Variants in NSD2 observed in about 807,000 individuals in gnomAD.
The protein encoded by NSD2 is nuclear receptor binding SET domain protein 2, also known as histone-lysine N-methyltransferase NSD2.
Under a neutral mutation model 139.0 loss-of-function variants are expected in NSD2, and 12 were observed. The ratio of observed to expected loss-of-function variants is 0.09; its 90% confidence interval spans 0.06 to 0.14. NSD2 has a LOEUF of 0.14. NSD2 is among the 10% of genes least tolerant of loss of function. The pLI, the probability that NSD2 is intolerant of heterozygous loss-of-function variation, is 1.00. For missense variants in NSD2, 1,155 were observed against 1,745.0 expected (o/e 0.66, Z 6.02); for synonymous variants, 669 against 648.7 (o/e 1.03, Z -0.48).
At chr4:1,914,524 C>T (rs926227078) in intron 3 of NSD2, among the ~76,000 whole-genome samples, 5 of 152,226 alleles carry the variant, frequency 3.3e-5, no homozygotes, top group South Asian at 4.1e-4. Context: ...CAGGGCTTCA[C>T]CATGTTGGCC....
Position 1,942,794 on chromosome 4 carries a change from C to G in NSD2, c.1881+3016C>G, listed in dbSNP as rs1408129857. 2 of 1,078,456 alleles carry G rather than the reference C, an allele frequency of 1.9e-6. No homozygotes were observed. Among genetic ancestry groups the G allele is most frequent in the African/African-American group, 3.3e-5 (2 of 61,366 alleles). 66.8% of individuals were successfully genotyped at this position (1,078,456 alleles called of 1,614,324 possible). A position where few individuals can be genotyped will look rare whatever the true frequency, so the allele number is the denominator to read the frequency against. On this transcript the variant is annotated intron_variant, in intron 9 of 21. Coordinates refer to ENST00000508803, the MANE Select transcript of NSD2 (RefSeq NM_001042424.3). The surrounding 1 kb of genome is among the most constrained non-coding windows in gnomAD (Gnocchi z 4.0). ...TGTGGAAAATATCAGCGTCGCTACCCTCAGAAACAAACTAACAGCACACGT... is the reference window on the plus strand; with the variant it reads ...TGTGGAAAATATCAGCGTCGCTACCGTCAGAAACAAACTAACAGCACACGT...
chr4:1,933,465 C>G (rs908113059), intron 6 of NSD2, among the ~76,000 whole-genome samples: 1 of 152,248 alleles, frequency 6.6e-6, no homozygotes, highest in Non-Finnish European at 1.5e-5. Flanking sequence ...TCTCGGCTCA[C>G]TGCAAGCTCC....
At chr4:1,917,092 T>C in intron 4 of NSD2, 55 bp downstream of exon 4, 15 of 1,460,322 alleles carry the variant, frequency 1.0e-5, no homozygotes, top group South Asian at 1.4e-5. Flanking sequence ...TTTTATTCTT[T>C]AAGTTAACTT....
At chr4:1,965,891 C>T (rs751282562) in intron 18 of NSD2, among the ~76,000 whole-genome samples, 1 of 152,228 alleles carries the variant, frequency 6.6e-6, no homozygotes, top group Non-Finnish European at 1.5e-5. Flanking sequence ...AATCCAGTCA[C>T]TTCCCACCAG....
rs1333677153 is a variant in NSD2 at position 1,942,345 on chromosome 4, T to G, written c.1881+2567T>G. On this transcript the variant is annotated intron_variant, in intron 9 of 21. Transcript: ENST00000508803. The surrounding 1 kb of genome is among the most constrained non-coding windows in gnomAD (Gnocchi z 4.0). Reference sequence around the variant, plus strand: ...TCGCCTTCACTGGTAACAGCTTTTGTGGGAGCCCACACCAGTCAAGTTGGA... The same window carrying G: ...TCGCCTTCACTGGTAACAGCTTTTGGGGGAGCCCACACCAGTCAAGTTGGA... The G allele has an allele frequency of 6.2e-7, 1 of 1,613,566 alleles. No homozygotes were observed. The highest frequency in any genetic ancestry group is 8.5e-7 in the Non-Finnish European group (1 of 1,179,914).
At chr4:1,934,896 TATATATATATATAA>T (rs1722190407) in intron 6 of NSD2, among the ~76,000 whole-genome samples, 3 of 118,624 alleles carry the variant, frequency 2.5e-5, no homozygotes, top group African/African-American at 6.6e-5. Context: ...TATATATATA[TATATATATATATAA>T]AAAACAGATA....
At chr4:1,953,139 C>A in intron 11 of NSD2, 185 bp from the exon 12 acceptor site, 2 of 1,548,640 alleles carry the variant, frequency 1.3e-6, no homozygotes, top group South Asian at 2.4e-5. Flanking sequence ...CAAGGTAATC[C>A]TTGATGGCTG....
intron 7 of NSD2, 39 bp from the exon 8 acceptor site, chr4:1,938,412 C>CTTTGTTTTTTTTTTTTTT: frequency 1.6e-6 from 1 of 635,584 alleles, no homozygotes. Context: ...TTTTTTTTTT[C>CTTTGTTTTTTTTTTTTTT]TTTCTTTTTT....
chr4:1,945,252 G>A (rs1723499021), intron 9 of NSD2: 2 of 1,066,854 alleles, frequency 1.9e-6, no homozygotes, highest in Non-Finnish European at 2.3e-6. Flanking sequence ...ATGGGCATTT[G>A]GAGAGTCTCA....
intron 9 of NSD2, chr4:1,947,423 G>A: frequency 9.4e-7 from 1 of 1,059,738 alleles, no homozygotes; most frequent in Non-Finnish European, 1.1e-6. Flanking sequence ...TCTGGGAGTG[G>A]AGACTTCCTC....
At chr4:1,957,117 G>A (rs529277015) in intron 15 of NSD2, among the ~76,000 whole-genome samples, 17 of 152,278 alleles carry the variant, frequency 1.1e-4, no homozygotes, top group African/African-American at 4.1e-4. Flanking sequence ...ACTTGGGGCT[G>A]CAAAAACAGG....
At position 1,942,549 on chromosome 4, in the gene NSD2, C is replaced by G. The variant is rs183382156; in HGVS notation, c.1881+2771C>G. The G allele has an allele frequency of 1.4e-6, 2 of 1,396,254 alleles. No homozygotes were observed. Among genetic ancestry groups the G allele is most frequent in the East Asian group, 2.5e-5 (1 of 39,610 alleles). 86.5% of individuals were successfully genotyped at this position (1,396,254 alleles called of 1,614,324 possible). On this transcript the variant is annotated intron_variant, in intron 9 of 21. Transcript: ENST00000508803. This position sits in a 1 kb window ranked among gnomAD's most constrained non-coding sequence, Gnocchi z 4.0. ...CACATACAATGAAGAAAACAGATAA[C>G]AAATTTTAAGACCAAGGTAAGATAA...
At chr4:1,903,358 T>C (rs2108753970) in intron 2 of NSD2, among the ~76,000 whole-genome samples, 2 of 152,288 alleles carry the variant, frequency 1.3e-5, no homozygotes, top group Middle Eastern at 6.8e-3. Flanking sequence ...ATGTTCAGCC[T>C]TAACCTACCC....
At chr4:1,872,637 C>CGAGAGA (rs1375337847) in intron 1 of NSD2, among the ~76,000 whole-genome samples, 1,002 of 81,774 alleles carry the variant, frequency 0.012, 36 homozygotes, top group Admixed American at 0.056. Context: ...AGAGAGAGAG[C>CGAGAGA]GCGCAGACCC....
chr4:1,975,454 C>T (rs1726972631), intron 20 of NSD2, 54 bp downstream of exon 20: 2 of 1,509,752 alleles, frequency 1.3e-6, no homozygotes, highest in Non-Finnish European at 1.8e-6. Flanking sequence ...ATTTTGCACT[C>T]CTGGAGACCT....
intron 1 of NSD2, among the ~76,000 whole-genome samples, chr4:1,880,121 AATAGG>A (rs1714593251): frequency 6.6e-6 from 1 of 152,136 alleles, no homozygotes; most frequent in Admixed American, 6.6e-5. Flanking sequence ...ATGTGTTAGA[AATAGG>A]AGGCTTCTGT....
intron 18 of NSD2, among the ~76,000 whole-genome samples, chr4:1,970,263 T>C (rs1726318239): frequency 6.6e-6 from 1 of 151,998 alleles, no homozygotes; most frequent in East Asian, 1.9e-4. Context: ...AGGGGAGAAA[T>C]AGGGCCAAGT....
At chr4:1,932,874 C>T (rs1721833362) in intron 6 of NSD2, among the ~76,000 whole-genome samples, 1 of 152,208 alleles carries the variant, frequency 6.6e-6, no homozygotes, top group African/African-American at 2.4e-5. Context: ...TGTGCTGTGT[C>T]AAGGACCTCG....
intron 9 of NSD2, chr4:1,947,174 A>C (rs747064254): frequency 8.5e-5 from 90 of 1,064,482 alleles, no homozygotes; most frequent in Non-Finnish European, 9.7e-5. Flanking sequence ...CCTCCCCAGC[A>C]CACTCCCTGT....
Sources: allele counts gnomAD v4.1 joint callset (sites outside exome capture counted in the v4.1 genomes callset), GRCh38; gene constraint gnomAD v4.1.1; non-coding constraint Gnocchi (gnomAD v3.1); transcripts MANE v1.5; gene names NCBI Gene and HGNC (gene_info 2026-07-23, HGNC 2026-07-21).